Variants in CD276 observed in about 807,000 individuals in gnomAD.
CD276 encodes CD276 antigen.
A neutral mutation model predicts 50.0 loss-of-function variants in CD276; 34 were observed. The observed-to-expected ratio is 0.68, with a 90% CI of 0.52 to 0.91. The LOEUF is 0.91. CD276 is among the 40% of genes least tolerant of loss of function. The pLI is 0.00. For missense variants in CD276, 634 were observed against 717.5 expected (o/e 0.88, Z 1.33); for synonymous variants, 275 against 313.0 (o/e 0.88, Z 1.28).
At chr15:73,709,013 A>T (rs1269465694) in intron 7 of CD276, among the ~76,000 whole-genome samples, 3 of 152,128 alleles carry the variant, frequency 2.0e-5, no homozygotes, top group East Asian at 1.9e-4. Flanking sequence ...GGGTAAACAG[A>T]TGCATGAGAG....
chr15:73,711,022 C>A, intron 8 of CD276, 113 bp from the exon 9 acceptor site: 1 of 1,092,874 alleles, frequency 9.2e-7, no homozygotes, highest in Non-Finnish European at 1.4e-6. Flanking sequence ...AGTGGTCCCA[C>A]TCTGCTGACT....
intron 8 of CD276, among the ~76,000 whole-genome samples, chr15:73,710,148 T>C (rs547106896): frequency 1.3e-5 from 2 of 152,318 alleles, no homozygotes; most frequent in Non-Finnish European, 2.9e-5. Context: ...AATTATTAAT[T>C]GAGATAATGT....
At position 73,713,828 on chromosome 15, in the gene CD276, A is replaced by C. The variant is rs774286872; in HGVS notation, c.*872A>C. ...CTCACCTCTTTGTTCCTTTCTTTTC[A>C]TGTATCCATTCAGTTGATGTTTATT... On this transcript the variant is annotated 3_prime_UTR_variant, in exon 10 of 10. Transcript: ENST00000318443. 2.2e-6 allele frequency: 1 copy of C among 444,786 alleles called. No individual in the cohort carries two copies. Among genetic ancestry groups the C allele is most frequent in the Non-Finnish European group, 4.5e-6 (1 of 222,294 alleles). The allele number at this position is 444,786 out of a possible 1,614,324, so 27.6% of individuals were successfully genotyped here. A position where few individuals can be genotyped will look rare whatever the true frequency, so the allele number is the denominator to read the frequency against.
chr15:73,687,127 G>C lies in CD276; in HGVS notation c.-55+2667G>C, dbSNP rs1014715572. The stretch of plus-strand genomic sequence containing the variant: ...CAGAATGGACCCCACACCTGGAAGG[G>C]GGCCACGTGTACAGTTATGCAACCC... On this transcript the variant is annotated intron_variant, in intron 1 of 9. Transcript: ENST00000318443. This position sits in a 1 kb window ranked among gnomAD's most constrained non-coding sequence, Gnocchi z 4.0. Among the ~76,000 whole-genome samples, 1 of 152,106 alleles carries C rather than the reference G, an allele frequency of 6.6e-6. No individual in the cohort carries two copies. Among genetic ancestry groups the C allele is most frequent in the Admixed American group, 6.5e-5 (1 of 15,270 alleles).
At chr15:73,699,538 CT>C in intron 1 of CD276, 47 bp from the exon 2 acceptor site, 2 of 1,543,084 alleles carry the variant, frequency 1.3e-6, no homozygotes, top group East Asian at 2.4e-5. Flanking sequence ...AAGAGATGGT[CT>C]GGGGAGAACC....
In CD276 at chr15:73,712,930, G is replaced by T. The variant is rs1275780976; in HGVS notation, c.1583-4G>T. On this transcript the variant is annotated splice_region_variant and splice_polypyrimidine_tract_variant and intron_variant, in intron 9 of 9. Transcript: ENST00000318443. ...CTTTTTTTTCTTCCCATCATGAAAT[G>T]AAGATGATGGACAAGAAATAGCCTG... is the stretch of plus-strand genomic sequence containing the variant. The T allele has an allele frequency of 6.2e-7, 1 of 1,613,382 alleles. No homozygotes were observed. Among genetic ancestry groups the T allele is most frequent in the Non-Finnish European group, 8.5e-7 (1 of 1,179,530 alleles).
chr15:73,708,486 G>C lies in CD276; in HGVS notation c.1504+13G>C, dbSNP rs546317569. The stretch of plus-strand genomic sequence containing the variant: ...GAGGAGAATGCAGGTGAGTGTGTGT[G>C]TATGTGTGTGCGTGCGCATGCACAC... On this transcript the variant is annotated intron_variant, in intron 7 of 9. Transcript: ENST00000318443. 2 of 1,610,916 alleles carry C rather than the reference G, an allele frequency of 1.2e-6. No individual in the cohort carries two copies. Among genetic ancestry groups the C allele is most frequent in the African/African-American group, 2.7e-5 (2 of 75,016 alleles).
chr15:73,709,792 G>A, intron 8 of CD276, 103 bp downstream of exon 8: 1 of 1,191,226 alleles, frequency 8.4e-7, no homozygotes, highest in Non-Finnish European at 1.2e-6. Context: ...TGTAAGGTTT[G>A]AATGAAATGT....
At chr15:73,692,881 C>T (rs77046330) in intron 1 of CD276, among the ~76,000 whole-genome samples, 3,387 of 152,282 alleles carry the variant, frequency 0.022, 139 homozygotes, top group African/African-American at 0.078. Context: ...GTTCTTAATC[C>T]TTGACAAAGT....
rs138157196 is a variant in CD276 at position 73,686,069 on chromosome 15, T to C, written c.-55+1609T>C. 6.7e-4 allele frequency among the ~76,000 whole-genome samples: 102 copies of C among 152,290 alleles called. 1 individual carries two copies. In the East Asian group the frequency reaches 9.4e-3, roughly 14 times the overall value. On this transcript the variant is annotated intron_variant, in intron 1 of 9. Transcript: ENST00000318443. The stretch of plus-strand genomic sequence containing the variant: ...TGAATGAAATTTTCCTTCATGACTT[T>C]GGGTCAGCCCTGTGGACCTCAGTTT...
Position 73,687,865 on chromosome 15 carries a change from C to A in CD276, c.-55+3405C>A, listed in dbSNP as rs1450618690. 6.6e-6 allele frequency among the ~76,000 whole-genome samples: 1 copy of A among 152,118 alleles called. No homozygotes were observed. Among genetic ancestry groups the A allele is most frequent in the African/African-American group, 2.4e-5 (1 of 41,426 alleles). ...CTTGGAGCAGGGAGAGATACTGTCT[C>A]TGGGAGGCAGGGGTCCCAAGTTACC... On this transcript the variant is annotated intron_variant, in intron 1 of 9. Coordinates refer to ENST00000318443, the MANE Select transcript of CD276 (RefSeq NM_001024736.2). This position sits in a 1 kb window ranked among gnomAD's most constrained non-coding sequence, Gnocchi z 4.0.
intron 1 of CD276, chr15:73,697,728 C>G (rs1040848609): frequency 6.6e-6 from 1 of 151,984 alleles, no homozygotes; most frequent in African/African-American, 2.4e-5. Flanking sequence ...GCCACCACGC[C>G]CAGCTAATGT....
At chr15:73,695,384 A>G (rs746992007) in intron 1 of CD276, among the ~76,000 whole-genome samples, 1 of 152,138 alleles carries the variant, frequency 6.6e-6, no homozygotes, top group Non-Finnish European at 1.5e-5. Context: ...CAGCGCGGCT[A>G]CCTGGGGAGC....
At chr15:73,712,813 C>T (rs1596024166) in intron 9 of CD276, 121 bp from the exon 10 acceptor site, 9 of 1,026,860 alleles carry the variant, frequency 8.8e-6, no homozygotes, top group South Asian at 6.0e-5. Flanking sequence ...TGCTGTCTCA[C>T]ACACACTCCC....
At chr15:73,712,154 CAAAAAAAAAAA>C (rs386383477) in intron 9 of CD276, 1 of 95,880 alleles carries the variant, frequency 1.0e-5, no homozygotes, top group Non-Finnish European at 2.0e-5. Context: ...GATTCCATCT[CAAAAAAAAAAA>C]AAAAAAAAAG....
At chr15:73,695,109 C>G (rs1900128659) in intron 1 of CD276, among the ~76,000 whole-genome samples, 1 of 152,228 alleles carries the variant, frequency 6.6e-6, no homozygotes, top group Non-Finnish European at 1.5e-5. Context: ...TGGCTGTGAA[C>G]TGGTTAAGCC....
Position 73,702,669 on chromosome 15 carries a change from C to T in CD276, c.418+76C>T, listed in dbSNP as rs544220698. On this transcript the variant is annotated intron_variant, in intron 3 of 9. Coordinates refer to ENST00000318443, the MANE Select transcript of CD276 (RefSeq NM_001024736.2). The stretch of plus-strand genomic sequence containing the variant: ...CTGCAGCCCACCCCCTGCTGCACCA[C>T]TGCTCCCAGAACCCCAGTGCTGATT... The T allele has an allele frequency of 4.5e-6, 7 of 1,555,118 alleles. No homozygotes were observed. In the East Asian group the frequency reaches 7.0e-5, roughly 16 times the overall value.
intron 6 of CD276, among the ~76,000 whole-genome samples, chr15:73,707,183 G>A (rs563088082): frequency 2.6e-5 from 4 of 152,338 alleles, no homozygotes; most frequent in Admixed American, 6.5e-5. Flanking sequence ...CCATAGCACC[G>A]CGCACTGCAC....
Position 73,704,869 on chromosome 15 carries a change from CTGAG to C in CD276, c.1369+401_1369+404del, listed in dbSNP as rs1330263546. Among the ~76,000 whole-genome samples, 1 of 152,180 alleles carries C rather than the reference CTGAG, an allele frequency of 6.6e-6. No homozygotes were observed. The highest frequency in any genetic ancestry group is 1.5e-5 in the Non-Finnish European group (1 of 68,040). ...AGTGGGCGCCATCTGATTCTGAAGC[CTGAG>C]TGACAGCTGGCCCTCCCTAGTTAGT... On this transcript the variant is annotated intron_variant, in intron 6 of 9. Coordinates refer to ENST00000318443, the MANE Select transcript of CD276 (RefSeq NM_001024736.2). This position sits in a 1 kb window ranked among gnomAD's most constrained non-coding sequence, Gnocchi z 4.1.
Sources: gnomAD v4.1 joint callset for allele counts (sites outside exome capture counted in the v4.1 genomes callset) on GRCh38, gnomAD v4.1.1 for gene constraint, Gnocchi (gnomAD v3.1) non-coding constraint, MANE v1.5 for transcripts, NCBI Gene and HGNC (gene_info 2026-07-23, HGNC 2026-07-21) for gene names.